ITGA4: variants seen among roughly 807,000 people sequenced by gnomAD.
ITGA4 encodes the protein integrin subunit alpha 4, also known as integrin alpha-4.
In ITGA4, 63 loss-of-function variants were observed where a neutral mutation model predicts 133.6. That is an observed-to-expected ratio of 0.47 (90% CI 0.38 to 0.58). The LOEUF is 0.58. ITGA4 is among the 20% of genes least tolerant of loss of function. ITGA4 has a pLI of 0.00. For synonymous variants in ITGA4, 483 were observed against 438.0 expected (o/e 1.10, Z -1.28); for missense variants, 1,076 against 1,252.7 (o/e 0.86, Z 2.13).
chr2:181,490,146 A>G (rs165415), intron 10 of ITGA4, among the ~76,000 whole-genome samples: 148,580 of 152,266 alleles, frequency 0.98, 72,604 homozygotes, highest in Middle Eastern at 1. Flanking sequence ...TAACATAACC[A>G]ATTAGGTCGG....
intron 2 of ITGA4, among the ~76,000 whole-genome samples, chr2:181,473,941 G>C (rs1035401802): frequency 2.6e-5 from 4 of 152,274 alleles, no homozygotes; most frequent in African/African-American, 9.6e-5. Flanking sequence ...ATGAAAACTT[G>C]GTACCTAGTG....
At chr2:181,459,123 A>G (rs562339378) in intron 2 of ITGA4, 16 of 152,274 alleles carry the variant, frequency 1.1e-4, no homozygotes, top group African/African-American at 3.9e-4. Flanking sequence ...CCTTAAAGCA[A>G]CCCTGGGTCA....
intron 15 of ITGA4, among the ~76,000 whole-genome samples, chr2:181,503,542 A>G (rs1186787785): frequency 6.7e-6 from 1 of 150,062 alleles, no homozygotes; most frequent in African/African-American, 2.4e-5. Flanking sequence ...TCCTCATAAA[A>G]TAAGAAAGAA....
At chr2:181,457,884 G>C (rs757923067) in intron 1 of ITGA4, 33 bp downstream of exon 1, 1 of 1,556,514 alleles carries the variant, frequency 6.4e-7, no homozygotes, top group Admixed American at 1.9e-5. Flanking sequence ...GCCCTCAGCA[G>C]CTCAGAGCGG....
At chr2:181,465,907 C>G (rs746046677) in intron 2 of ITGA4, among the ~76,000 whole-genome samples, 5 of 152,010 alleles carry the variant, frequency 3.3e-5, no homozygotes, top group African/African-American at 4.8e-5. Flanking sequence ...ATAGTATTGT[C>G]TACTTCATAG....
chr2:181,494,075 TAAA>T (rs1157239018), intron 11 of ITGA4, among the ~76,000 whole-genome samples: 3 of 152,156 alleles, frequency 2.0e-5, no homozygotes, highest in Non-Finnish European at 4.4e-5. Context: ...ATTTGTCTAG[TAAA>T]AAAACTAATT....
chr2:181,522,243 T>A lies in ITGA4; in HGVS notation c.1975T>A (p.Leu659Met), dbSNP rs1326040948. The change falls in exon 18 of 28, where the codon TTG becomes ATG. Residue 659 changes from leucine to methionine, a missense_variant. This residue lies in a region of ITGA4 where 365 missense variants were observed against 421.4 expected (regional missense o/e 0.87). Coordinates refer to ENST00000397033, the MANE Select transcript of ITGA4 (RefSeq NM_000885.6). ...TGTTGGGAGTATGAAGACATTGATGTTGAATGTGTCCTTGTTTAATGCTGG... is the reference window on the plus strand; with the variant it reads ...TGTTGGGAGTATGAAGACATTGATGATGAATGTGTCCTTGTTTAATGCTGG... ...LAVGSMKTLM[L>M]NVSLFNAGDD... is the part of the protein sequence containing the mutation. 6.2e-7 allele frequency: 1 copy of A among 1,607,206 alleles called. No homozygotes were observed. The highest frequency in any genetic ancestry group is 1.3e-5 in the African/African-American group (1 of 74,736).
At chr2:181,467,896 C>T (rs1685459158) in intron 2 of ITGA4, among the ~76,000 whole-genome samples, 1 of 152,188 alleles carries the variant, frequency 6.6e-6, no homozygotes, top group African/African-American at 2.4e-5. Context: ...ATACAGCAAT[C>T]CTCTGCTACT....
chr2:181,466,024 T>C (rs1026667145), intron 2 of ITGA4, among the ~76,000 whole-genome samples: 9 of 152,156 alleles, frequency 5.9e-5, no homozygotes. Context: ...TTTCCCTCTT[T>C]AAATTATGCT....
chr2:181,502,935 G>A (rs1282296790), intron 15 of ITGA4, among the ~76,000 whole-genome samples: 3 of 151,984 alleles, frequency 2.0e-5, no homozygotes, highest in African/African-American at 4.8e-5. Flanking sequence ...AATGTACAAG[G>A]GAATGGTTAT....
intron 2 of ITGA4, among the ~76,000 whole-genome samples, chr2:181,466,429 CA>C (rs1248928309): frequency 2.0e-5 from 3 of 152,040 alleles, no homozygotes; most frequent in East Asian, 1.9e-4. Context: ...CATTTAAACA[CA>C]TTTTTTTAAA....
chr2:181,491,733 C>G (rs918736789), intron 10 of ITGA4, among the ~76,000 whole-genome samples: 1 of 152,060 alleles, frequency 6.6e-6, no homozygotes, highest in Non-Finnish European at 1.5e-5. Context: ...CTTTTCCCCA[C>G]TCCTTCTTCT....
At chr2:181,486,217 A>G in intron 10 of ITGA4, 1 of 441,420 alleles carries the variant, frequency 2.3e-6, no homozygotes, top group Non-Finnish European at 3.8e-6. Flanking sequence ...ACCTTATTTC[A>G]GTGATTCTAA....
At position 181,498,645 on chromosome 2, in the gene ITGA4, G is replaced by A; in HGVS notation, c.1563G>A (p.Leu521=). The A allele has an allele frequency of 6.2e-7, 1 of 1,607,640 alleles. No homozygotes were observed. The highest frequency in any genetic ancestry group is 1.7e-5 in the Admixed American group (1 of 59,450). ...GYIVLFYNMS[L]DVNRKAESPP... is the part of the protein sequence containing the mutation. ...CAGTTTTGTTTTATAACATGAGTTT[G>A]GATGTGAACAGAAAGGCAGAGTCTC... Residue 521 remains leucine (L), a synonymous_variant, in exon 15 of 28, where the codon TTG becomes TTA. Transcript: ENST00000397033.
intron 4 of ITGA4, 92 bp downstream of exon 4, chr2:181,475,380 G>C: frequency 1.0e-6 from 1 of 985,686 alleles, no homozygotes; most frequent in South Asian, 1.5e-5. Flanking sequence ...GATGTTCAGA[G>C]GAGAGGGAGA....
intron 21 of ITGA4, among the ~76,000 whole-genome samples, chr2:181,526,821 C>CTTTTTTTT (rs538208494): frequency 0.017 from 693 of 40,988 alleles, 227 homozygotes; most frequent in Middle Eastern, 0.083. Context: ...AGCACATGGC[C>CTTTTTTTT]TTTTTTTTTT....
chr2:181,489,078 T>C (rs1262647865), intron 10 of ITGA4, among the ~76,000 whole-genome samples: 1 of 152,192 alleles, frequency 6.6e-6, no homozygotes, highest in African/African-American at 2.4e-5. Flanking sequence ...CATCTTCTCT[T>C]ATTTTATTTT....
chr2:181,534,193 A>G (rs1687003255), intron 25 of ITGA4, 79 bp from the exon 26 acceptor site: 1 of 859,354 alleles, frequency 1.2e-6, no homozygotes, highest in South Asian at 1.6e-5. Context: ...GAAAACCTCT[A>G]GCTAGAAGGT....
At chr2:181,460,436 TAAAAC>T (rs1046388185) in intron 2 of ITGA4, among the ~76,000 whole-genome samples, 2 of 152,158 alleles carry the variant, frequency 1.3e-5, no homozygotes, top group African/African-American at 4.8e-5. Flanking sequence ...AGTCTAGAAA[TAAAAC>T]ACTAAAAACA....
Sources: allele counts gnomAD v4.1 joint callset (sites outside exome capture counted in the v4.1 genomes callset), GRCh38; gene constraint gnomAD v4.1.1; regional missense constraint gnomAD v4.1.1; transcripts MANE v1.5; gene names NCBI Gene and HGNC (gene_info 2026-07-23, HGNC 2026-07-21).